Variants in PRR16 observed in about 807,000 individuals in gnomAD.
The protein encoded by PRR16 is proline rich 16, also known as protein Largen.
PRR16 carries 6 observed loss-of-function variants against 18.2 expected under a neutral mutation model. The ratio of observed to expected loss-of-function variants is 0.33; its 90% CI spans 0.18 to 0.65. The LOEUF (loss-of-function observed/expected upper bound fraction) is 0.65, where lower values mean the gene tolerates loss of function less well. Among genes scored for constraint, PRR16 ranks in the 30% least tolerant of loss-of-function variants. The pLI, the probability that PRR16 is intolerant of heterozygous loss-of-function variation, is 0.74. For synonymous variants in PRR16, 151 were observed against 147.8 expected, an observed-to-expected ratio of 1.02 and a Z score of -0.16; for missense variants, 412 against 376.6, an observed-to-expected ratio of 1.09 and a Z score of -0.78.
At chr5:120,730,626 A>G in the PRR16 span, among the ~76,000 whole-genome samples, 9 of 152,274 alleles carry the variant, frequency 5.9e-5, no homozygotes, top group East Asian at 1.5e-3. Context: ...AGATGAAGCA[A>G]TGGTAAGCAG....
the PRR16 span, among the ~76,000 whole-genome samples, chr5:120,753,471 A>G: frequency 3.3e-5 from 5 of 151,908 alleles, no homozygotes; most frequent in Admixed American, 2.6e-4. Flanking sequence ...GAATAAATTT[A>G]GAAATTTTTA....
intron 1 of PRR16, among the ~76,000 whole-genome samples, chr5:120,620,603 G>A (rs918033232): frequency 2.6e-5 from 4 of 152,096 alleles, no homozygotes; most frequent in Non-Finnish European, 2.9e-5. Flanking sequence ...GTCTGTCAAG[G>A]TTCTATGTAT....
intron 1 of PRR16, among the ~76,000 whole-genome samples, chr5:120,585,589 G>A (rs1404964909): frequency 1.3e-5 from 2 of 149,928 alleles, no homozygotes; most frequent in East Asian, 4.0e-4. Context: ...GTTCACTCCA[G>A]CCTGGCAGAC....
intron 1 of PRR16, among the ~76,000 whole-genome samples, chr5:120,493,712 G>A (rs891342182): frequency 8.6e-5 from 13 of 151,940 alleles, no homozygotes; most frequent in Admixed American, 3.9e-4. Flanking sequence ...TCCTAGCCCC[G>A]GACAATCACT....
the PRR16 span, among the ~76,000 whole-genome samples, chr5:120,725,302 G>GT: frequency 0.016 from 2,240 of 136,086 alleles, 41 homozygotes; most frequent in Admixed American, 0.061. Flanking sequence ...ATTTGATGTT[G>GT]TTTTTTTTTT....
chr5:120,650,227 G>A (rs2150130805), intron 1 of PRR16, among the ~76,000 whole-genome samples: 1 of 148,064 alleles, frequency 6.8e-6, no homozygotes, highest in Non-Finnish European at 1.5e-5. Flanking sequence ...AAAAAAAAAA[G>A]AAAAAGAAAG....
the PRR16 span, among the ~76,000 whole-genome samples, chr5:120,712,039 T>C: frequency 1.3e-5 from 2 of 152,198 alleles, no homozygotes; most frequent in Non-Finnish European, 2.9e-5. Flanking sequence ...TTTCTGACTG[T>C]ATGTTTTTAG....
chr5:120,731,442 T>C, the PRR16 span, among the ~76,000 whole-genome samples: 1,017 of 152,214 alleles, frequency 6.7e-3, 3 homozygotes, highest in Non-Finnish European at 9.6e-3. Context: ...CAATTGTATA[T>C]ACTTTTTCTC....
At chr5:120,784,112 T>A in the PRR16 span, among the ~76,000 whole-genome samples, 2 of 152,202 alleles carry the variant, frequency 1.3e-5, no homozygotes, top group South Asian at 2.1e-4. Context: ...CATTGGTTGA[T>A]GGACATTTAT....
the PRR16 span, among the ~76,000 whole-genome samples, chr5:120,777,035 A>AAAC: frequency 6.6e-6 from 1 of 152,040 alleles, no homozygotes; most frequent in African/African-American, 2.4e-5. Context: ...GTGTAAATTA[A>AAAC]AACAACAACA....
chr5:120,729,714 G>T, the PRR16 span, among the ~76,000 whole-genome samples: 1 of 152,106 alleles, frequency 6.6e-6, no homozygotes, highest in Non-Finnish European at 1.5e-5. Context: ...AAATGATATT[G>T]AGTGGAGAGT....
chr5:120,653,169 T>A (rs1386635925), intron 1 of PRR16, among the ~76,000 whole-genome samples: 15 of 151,952 alleles, frequency 9.9e-5, no homozygotes, highest in Non-Finnish European at 2.1e-4. Context: ...ACAAGGTGTT[T>A]TCTGGGAGGG....
chr5:120,534,644 C>G (rs1012087361), intron 1 of PRR16, among the ~76,000 whole-genome samples: 6 of 152,060 alleles, frequency 3.9e-5, no homozygotes, highest in Non-Finnish European at 7.4e-5. Context: ...TTCTTCTCTC[C>G]TTACACACTC....
chr5:120,578,258 T>C (rs75012012), intron 1 of PRR16, among the ~76,000 whole-genome samples: 27,048 of 152,100 alleles, frequency 0.18, 2,847 homozygotes, highest in Non-Finnish European at 0.23. Flanking sequence ...CTTAATTTTC[T>C]GAGTTACTAT....
At chr5:120,741,427 T>A in the PRR16 span, among the ~76,000 whole-genome samples, 1 of 152,326 alleles carries the variant, frequency 6.6e-6, no homozygotes, top group Non-Finnish European at 1.5e-5. Flanking sequence ...GAAAGTTTTA[T>A]TTCATCTTTT....
At chr5:120,523,779 A>G (rs1434566112) in intron 1 of PRR16, among the ~76,000 whole-genome samples, 1 of 140,982 alleles carries the variant, frequency 7.1e-6, no homozygotes, top group Non-Finnish European at 1.6e-5. Flanking sequence ...GAGTGTGTAT[A>G]TATGTATTGA....
the PRR16 span, among the ~76,000 whole-genome samples, chr5:120,694,058 CAT>C: frequency 6.6e-6 from 1 of 152,188 alleles, no homozygotes; most frequent in Non-Finnish European, 1.5e-5. Context: ...CACCTGCCAA[CAT>C]GTTGTTATGA....
chr5:120,544,909 A>T (rs1246017856), intron 1 of PRR16, among the ~76,000 whole-genome samples: 17 of 152,172 alleles, frequency 1.1e-4, no homozygotes, highest in African/African-American at 3.9e-4. Context: ...ATTTTCCCAC[A>T]TACAGATCAG....
the PRR16 span, among the ~76,000 whole-genome samples, chr5:120,711,031 G>T: frequency 6.6e-6 from 1 of 151,932 alleles, no homozygotes; most frequent in African/African-American, 2.4e-5. Context: ...GCAAAAGACT[G>T]GTTAAGTCTT....
Sources: gnomAD v4.1 joint callset for allele counts (sites outside exome capture counted in the v4.1 genomes callset) on GRCh38, gnomAD v4.1.1 for gene constraint, MANE v1.5 for transcripts, NCBI Gene and HGNC (gene_info 2026-07-23, HGNC 2026-07-21) for gene names.